The following PDE4D variants were observed in gnomAD, a reference collection of about 807,000 sequenced individuals.
PDE4D encodes 3',5'-cyclic-AMP phosphodiesterase 4D.
In PDE4D, 24 loss-of-function variants were observed where a neutral mutation model predicts 87.4. The observed-to-expected ratio is 0.27, with a 90% confidence interval of 0.20 to 0.39. The LOEUF (loss-of-function observed/expected upper bound fraction) is 0.39, where lower values mean the gene tolerates loss of function less well. Ranked by LOEUF, PDE4D falls within the 10% of genes least tolerant of loss-of-function variation. The pLI, the probability that PDE4D is intolerant of heterozygous loss-of-function variation, is 1.00. For missense variants in PDE4D, 714 were observed against 1,041.0 expected (o/e 0.69, Z 4.32); for synonymous variants, 384 against 383.2 (o/e 1.00, Z -0.02).
At chr5:59,602,513 G>A (rs1827656407) in intron 1 of PDE4D, among the ~76,000 whole-genome samples, 2 of 152,054 alleles carry the variant, frequency 1.3e-5, no homozygotes, top group South Asian at 4.1e-4. Flanking sequence ...TAGTTACAAA[G>A]CTGTATAACA....
At chr5:59,649,904 C>CTTGTTTTTTTTTTTTTTTTTTTTTT (rs1561402852) in intron 1 of PDE4D, among the ~76,000 whole-genome samples, 5 of 73,960 alleles carry the variant, frequency 6.8e-5, no homozygotes, top group African/African-American at 2.6e-4. Flanking sequence ...AGTTTGTGAA[C>CTTGTTTTTTTTTTTTTTTTTTTTTT]CTTTTTTTTT....
chr5:59,291,900 A>G (rs1463527347), intron 1 of PDE4D, among the ~76,000 whole-genome samples: 1 of 151,886 alleles, frequency 6.6e-6, no homozygotes, highest in African/African-American at 2.4e-5. Context: ...ATCCACAAAC[A>G]ACATAGAACA....
chr5:59,172,549 A>C (rs1244005026), intron 5 of PDE4D, among the ~76,000 whole-genome samples: 2 of 150,570 alleles, frequency 1.3e-5, no homozygotes, highest in African/African-American at 4.9e-5. Context: ...ACAAAAAATA[A>C]AATAAAAAAT....
At chr5:60,439,347 G>T (rs1272255861) in intron 1 of PDE4D, among the ~76,000 whole-genome samples, 1 of 151,948 alleles carries the variant, frequency 6.6e-6, no homozygotes, top group Non-Finnish European at 1.5e-5. Flanking sequence ...AATTTAGCTT[G>T]ATATTCATTC....
rs1437070182 is a variant in PDE4D, at chr5:60,217,751, T to C, written c.-89-32064A>G. Among the ~76,000 whole-genome samples the C allele has an allele frequency of 2.6e-5, 4 of 151,930 alleles. No individual in the cohort carries two copies. In the East Asian group the frequency reaches 7.7e-4, roughly 29 times the overall value. On this transcript the variant is annotated intron_variant, in intron 1 of 16. Transcript: ENST00000502484. ...AAATAGCTAAAAAATTTGAATAGTA[T>C]TTCATATAACAGGTTCCCAGAAGGC...
intron 2 of PDE4D, among the ~76,000 whole-genome samples, chr5:60,089,193 C>G (rs941166882): frequency 1.3e-5 from 2 of 151,890 alleles, no homozygotes; most frequent in Non-Finnish European, 2.9e-5. Flanking sequence ...TCAAATTGAC[C>G]TAACAGACAT....
intron 2 of PDE4D, among the ~76,000 whole-genome samples, chr5:60,131,120 T>C (rs1019639352): frequency 7.2e-5 from 11 of 152,232 alleles, no homozygotes; most frequent in Non-Finnish European, 1.6e-4. Context: ...TCTATTAATA[T>C]ACTCTTTCCA....
chr5:59,213,076 T>G (rs1750424151), intron 2 of PDE4D, among the ~76,000 whole-genome samples: 1 of 151,382 alleles, frequency 6.6e-6, no homozygotes, highest in Non-Finnish European at 1.5e-5. Context: ...CTCCTCCATC[T>G]CTAAATTTAC....
intron 1 of PDE4D, among the ~76,000 whole-genome samples, chr5:60,441,077 A>C (rs796637093): frequency 1.8e-4 from 27 of 152,220 alleles, no homozygotes; most frequent in African/African-American, 6.3e-4. Flanking sequence ...GAGAAGAAAC[A>C]ACTAAAGCCA....
chr5:60,068,669 C>A (rs1204926864), intron 2 of PDE4D, among the ~76,000 whole-genome samples: 1 of 152,052 alleles, frequency 6.6e-6, no homozygotes, highest in Admixed American at 6.6e-5. Context: ...TTTCAGCTCA[C>A]TGCAACCTCT....
chr5:59,011,097 A>C (rs920022943), intron 6 of PDE4D, among the ~76,000 whole-genome samples: 1 of 152,192 alleles, frequency 6.6e-6, no homozygotes, highest in Non-Finnish European at 1.5e-5. Flanking sequence ...TTAGAAGGAA[A>C]ACTAACAAAC....
At chr5:60,047,696 C>T (rs1040600549) in intron 2 of PDE4D, among the ~76,000 whole-genome samples, 1 of 152,108 alleles carries the variant, frequency 6.6e-6, no homozygotes, top group Non-Finnish European at 1.5e-5. Context: ...GATTCTTAAT[C>T]CTGAGTTCTA....
At chr5:59,206,750 A>G (rs1401739609) in intron 2 of PDE4D, among the ~76,000 whole-genome samples, 1 of 152,204 alleles carries the variant, frequency 6.6e-6, no homozygotes, top group Non-Finnish European at 1.5e-5. Flanking sequence ...CGAGTAAAAC[A>G]GTGATACTCA....
chr5:59,015,520 A>T (rs1229458070), intron 6 of PDE4D, among the ~76,000 whole-genome samples: 1 of 151,954 alleles, frequency 6.6e-6, no homozygotes, highest in Non-Finnish European at 1.5e-5. Context: ...GACACGTGAA[A>T]AAATGCTCAT....
intron 1 of PDE4D, among the ~76,000 whole-genome samples, chr5:59,348,269 T>C (rs912461399): frequency 2.0e-5 from 3 of 152,208 alleles, no homozygotes; most frequent in Non-Finnish European, 4.4e-5. Flanking sequence ...TGTATTATTA[T>C]GTTTTTGGGG....
At chr5:59,264,611 G>A (rs935755402) in intron 1 of PDE4D, among the ~76,000 whole-genome samples, 1 of 151,944 alleles carries the variant, frequency 6.6e-6, no homozygotes, top group African/African-American at 2.4e-5. Flanking sequence ...AACACTCAGG[G>A]AATCTTTAAT....
chr5:58,975,856 C>A lies in PDE4D; in HGVS notation c.1831-17G>T, dbSNP rs1252887692. The A allele has an allele frequency of 7.1e-7, 1 of 1,398,982 alleles. No homozygotes were observed. The highest frequency in any genetic ancestry group is 9.4e-7 in the Non-Finnish European group (1 of 1,059,448). The allele number at this position is 1,398,982 out of a possible 1,614,324, so 86.7% of individuals were successfully genotyped here. On this transcript the variant is annotated splice_polypyrimidine_tract_variant and intron_variant, in intron 13 of 14. Coordinates refer to ENST00000340635, the MANE Select transcript of PDE4D (RefSeq NM_001104631.2). The surrounding 1 kb of genome is among the most constrained non-coding windows in gnomAD (Gnocchi z 4.2). Reference sequence around the variant, plus strand: ...CTGAAGAACCTAAAATAGATGGATGCATTCTCTATTCACTCCTGTTCCTTT... The same window carrying A: ...CTGAAGAACCTAAAATAGATGGATGAATTCTCTATTCACTCCTGTTCCTTT...
intron 5 of PDE4D, among the ~76,000 whole-genome samples, chr5:59,094,238 AAAAAAAAG>A (rs1769282713): frequency 1.3e-5 from 2 of 150,224 alleles, no homozygotes; most frequent in African/African-American, 4.9e-5. Context: ...AAAAAAAAAA[AAAAAAAAG>A]GAGAGAATGA....
At chr5:59,963,385 T>C (rs1759683859) in intron 3 of PDE4D, among the ~76,000 whole-genome samples, 1 of 152,182 alleles carries the variant, frequency 6.6e-6, no homozygotes, top group African/African-American at 2.4e-5. Flanking sequence ...AAAGCATGAC[T>C]GAATAACCAC....
Sources: allele counts gnomAD v4.1 joint callset (sites outside exome capture counted in the v4.1 genomes callset), GRCh38; gene constraint gnomAD v4.1.1; non-coding constraint Gnocchi (gnomAD v3.1); transcripts MANE v1.5; gene names NCBI Gene and HGNC (gene_info 2026-07-23, HGNC 2026-07-21).